PRKN: variants seen among roughly 807,000 people sequenced by gnomAD.
The protein encoded by PRKN is parkin RBR E3 ubiquitin protein ligase.
PRKN carries 56 observed loss-of-function variants against 59.5 expected under a neutral mutation model. That is an observed-to-expected ratio of 0.94 (90% CI 0.76 to 1.18). The LOEUF is 1.18. Among genes scored for constraint, PRKN ranks in the 50% most tolerant of loss-of-function variants. The pLI is 0.00. For missense variants in PRKN, 657 were observed against 596.4 expected (o/e 1.10, Z -1.06); for synonymous variants, 250 against 222.1 (o/e 1.13, Z -1.12).
chr6:161,382,217 G>T (rs1022001713), intron 10 of PRKN, among the ~76,000 whole-genome samples: 1 of 151,652 alleles, frequency 6.6e-6, no homozygotes, highest in South Asian at 2.1e-4. Context: ...TTCAAGTGAC[G>T]AATGTATCAG....
intron 4 of PRKN, among the ~76,000 whole-genome samples, chr6:162,150,676 A>G (rs2128313612): frequency 1.3e-5 from 2 of 152,348 alleles, no homozygotes; most frequent in South Asian, 4.1e-4. Context: ...AAGGAAGAGC[A>G]AAACGAACTA....
At chr6:162,538,280 C>A (rs2128198982) in intron 1 of PRKN, among the ~76,000 whole-genome samples, 1 of 152,140 alleles carries the variant, frequency 6.6e-6, no homozygotes, top group African/African-American at 2.4e-5. Flanking sequence ...GCCTGTAATC[C>A]AAGCTACAAA....
At chr6:162,310,387 G>GGAAGCAGAGGATGCCA (rs1291788085) in intron 2 of PRKN, among the ~76,000 whole-genome samples, 91 of 152,228 alleles carry the variant, frequency 6.0e-4, no homozygotes, top group Middle Eastern at 6.8e-3. Flanking sequence ...CCATGGTGAC[G>GGAAGCAGAGGATGCCA]GAAGCAGAGG....
At chr6:161,431,176 C>T (rs1415685363) in intron 9 of PRKN, among the ~76,000 whole-genome samples, 8 of 151,048 alleles carry the variant, frequency 5.3e-5, no homozygotes, top group African/African-American at 1.5e-4. Context: ...CTAAAATCTA[C>T]GTTTTCCCAT....
At chr6:161,653,911 G>T (rs888524673) in intron 7 of PRKN, among the ~76,000 whole-genome samples, 1 of 152,156 alleles carries the variant, frequency 6.6e-6, no homozygotes, top group Non-Finnish European at 1.5e-5. Context: ...ACAGGAGCAC[G>T]CTGGGGTCAC....
intron 7 of PRKN, among the ~76,000 whole-genome samples, chr6:161,693,299 G>A (rs928957723): frequency 3.9e-4 from 60 of 152,032 alleles, no homozygotes; most frequent in African/African-American, 1.4e-3. Context: ...ATAAATCATG[G>A]TGTATTTTTT....
intron 2 of PRKN, among the ~76,000 whole-genome samples, chr6:162,425,863 T>C (rs1789214649): frequency 6.6e-6 from 1 of 152,234 alleles, no homozygotes; most frequent in Non-Finnish European, 1.5e-5. Context: ...CCGATACGAA[T>C]GTTCTCATAC....
chr6:162,055,851 C>T (rs984062040), intron 4 of PRKN, among the ~76,000 whole-genome samples: 9 of 152,124 alleles, frequency 5.9e-5, no homozygotes, highest in Non-Finnish European at 1.2e-4. Flanking sequence ...AGGAAAATGC[C>T]GTGGGAGGTG....
chr6:162,237,342 A>T (rs1398822649), intron 3 of PRKN, among the ~76,000 whole-genome samples: 1 of 152,244 alleles, frequency 6.6e-6, no homozygotes, highest in African/African-American at 2.4e-5. Context: ...AATAAAAACA[A>T]CAACAAAACA....
At chr6:162,339,013 C>T (rs7383674) in intron 2 of PRKN, among the ~76,000 whole-genome samples, 95,924 of 142,910 alleles carry the variant, frequency 0.67, 34,296 homozygotes, top group African/African-American at 0.91. Flanking sequence ...ACCCTCTGCC[C>T]GGCAACCACC....
chr6:162,159,867 A>T (rs1782681229), intron 4 of PRKN, among the ~76,000 whole-genome samples: 1 of 152,196 alleles, frequency 6.6e-6, no homozygotes, highest in African/African-American at 2.4e-5. Context: ...TATTTTCAAC[A>T]AGTGGCTCTG....
chr6:162,318,351 C>T (rs1017260654), intron 2 of PRKN, among the ~76,000 whole-genome samples: 3 of 152,028 alleles, frequency 2.0e-5, no homozygotes, highest in Non-Finnish European at 2.9e-5. Context: ...ATGTTATATA[C>T]ATACATACCA....
rs1790706167 is a variant in PRKN, at chr6:161,470,030, A to G, written c.1083+78824T>C. On this transcript the variant is annotated intron_variant, in intron 9 of 11. Transcript: ENST00000366898. This position sits in a 1 kb window ranked among gnomAD's most constrained non-coding sequence, Gnocchi z 5.1. ...GCTAGGCTGAACATCCAACATACAT[A>G]GTTTCCTTCAATTCACCAAGGTAGG... 6.6e-6 allele frequency among the ~76,000 whole-genome samples: 1 copy of G among 152,210 alleles called. No individual in the cohort carries two copies. Among genetic ancestry groups the G allele is most frequent in the Non-Finnish European group, 1.5e-5 (1 of 68,038 alleles).
At chr6:161,433,772 T>C (rs1788756247) in intron 9 of PRKN, among the ~76,000 whole-genome samples, 1 of 151,992 alleles carries the variant, frequency 6.6e-6, no homozygotes, top group South Asian at 2.1e-4. Flanking sequence ...ATCCCAGCAC[T>C]TTGGGAGGCC....
At chr6:161,899,150 G>A (rs1777783058) in intron 6 of PRKN, among the ~76,000 whole-genome samples, 1 of 152,236 alleles carries the variant, frequency 6.6e-6, no homozygotes, top group South Asian at 2.1e-4. Context: ...GTGGAGTGGG[G>A]AGGCCCTGGC....
Position 161,565,447 on chromosome 6 carries a change from G to A in PRKN, c.933+3908C>T, listed in dbSNP as rs574030633. Among the ~76,000 whole-genome samples, 17 of 152,172 alleles carry A rather than the reference G, an allele frequency of 1.1e-4. No homozygotes were observed. The East Asian group carries it at 1.5e-3, about 14-fold the overall frequency. On this transcript the variant is annotated intron_variant, in intron 8 of 11. Coordinates refer to ENST00000366898, the MANE Select transcript of PRKN (RefSeq NM_004562.3). ...CCCATAATGCCCACACGTCAAGGGC[G>A]GGACCAAGGGTGGAAGTGATTGGAT...
At chr6:162,375,789 CTAGA>C (rs1276581903) in intron 2 of PRKN, among the ~76,000 whole-genome samples, 1 of 151,434 alleles carries the variant, frequency 6.6e-6, no homozygotes, top group African/African-American at 2.4e-5. Flanking sequence ...CTCTCTCTCT[CTAGA>C]TATATATACA....
chr6:162,228,995 C>A (rs909843389), intron 3 of PRKN, among the ~76,000 whole-genome samples: 2 of 152,172 alleles, frequency 1.3e-5, no homozygotes, highest in African/African-American at 2.4e-5. Context: ...GGTACCACAG[C>A]GCAATCTATG....
chr6:162,086,773 C>G (rs1779263097), intron 4 of PRKN, among the ~76,000 whole-genome samples: 1 of 152,174 alleles, frequency 6.6e-6, no homozygotes, highest in Non-Finnish European at 1.5e-5. Flanking sequence ...AACTACATCA[C>G]TGATGCATTA....
Sources: allele counts gnomAD v4.1 joint callset (sites outside exome capture counted in the v4.1 genomes callset), GRCh38; gene constraint gnomAD v4.1.1; non-coding constraint Gnocchi (gnomAD v3.1); transcripts MANE v1.5; gene names NCBI Gene and HGNC (gene_info 2026-07-23, HGNC 2026-07-21).